The following PLXDC2 variants were observed in gnomAD, a reference collection of about 807,000 sequenced individuals.
The protein encoded by PLXDC2 is plexin domain-containing protein 2.
A neutral mutation model predicts 68.9 loss-of-function variants in PLXDC2; 40 were observed. The observed-to-expected ratio is 0.58, with a 90% CI of 0.45 to 0.76. The LOEUF (loss-of-function observed/expected upper bound fraction) is 0.76. Ranked by LOEUF, PLXDC2 falls within the 30% of genes least tolerant of loss-of-function variation. The pLI is 0.00. For synonymous variants in PLXDC2, 243 were observed against 234.2 expected (o/e 1.04, Z -0.34); for missense variants, 644 against 661.9 (o/e 0.97, Z 0.30).
rs558598884 is a variant in PLXDC2 at position 20,156,723 on chromosome 10, C to T, written c.784-7745C>T. Among the ~76,000 whole-genome samples, 12 of 152,196 alleles carry T rather than the reference C, an allele frequency of 7.9e-5. No individual in the cohort carries two copies. In the South Asian group the frequency reaches 1.2e-3, roughly 16 times the overall value. On this transcript the variant is annotated intron_variant, in intron 6 of 13. Coordinates refer to ENST00000377252, the MANE Select transcript of PLXDC2 (RefSeq NM_032812.9). ...TGATGATAGCTCACCTTGACTGTCACGCTGTTAGATGCATTGCTCAATACC... is the reference window on the plus strand; with the variant it reads ...TGATGATAGCTCACCTTGACTGTCATGCTGTTAGATGCATTGCTCAATACC...
chr10:20,015,659 A>G (rs963833802), intron 2 of PLXDC2, among the ~76,000 whole-genome samples: 7 of 152,180 alleles, frequency 4.6e-5, no homozygotes, highest in African/African-American at 1.7e-4. Context: ...AGGAAGAGAG[A>G]CAATGAAAAG....
intron 1 of PLXDC2, among the ~76,000 whole-genome samples, chr10:19,818,844 C>T (rs372950435): frequency 6.6e-6 from 1 of 152,096 alleles, no homozygotes; most frequent in Admixed American, 6.6e-5. Context: ...AAACAATTAA[C>T]TCCACCACAA....
intron 1 of PLXDC2, among the ~76,000 whole-genome samples, chr10:19,931,108 G>A (rs1833624089): frequency 6.6e-6 from 1 of 152,244 alleles, no homozygotes; most frequent in Admixed American, 6.5e-5. Context: ...CCCATGGGAA[G>A]GAGAGCTTGT....
At chr10:19,970,415 G>A (rs1834330732) in intron 1 of PLXDC2, among the ~76,000 whole-genome samples, 1 of 152,150 alleles carries the variant, frequency 6.6e-6, no homozygotes, top group African/African-American at 2.4e-5. Context: ...GAGGGAAATG[G>A]AATCAAGCAA....
chr10:19,951,596 T>C (rs574633048), intron 1 of PLXDC2, among the ~76,000 whole-genome samples: 1 of 152,286 alleles, frequency 6.6e-6, no homozygotes, highest in South Asian at 2.1e-4. Context: ...AGTTTAGAGA[T>C]TTCTTGAACT....
intron 2 of PLXDC2, among the ~76,000 whole-genome samples, chr10:20,027,797 GA>G (rs894549389): frequency 1.6e-4 from 25 of 152,052 alleles, no homozygotes; most frequent in African/African-American, 6.0e-4. Context: ...TGCAACCTGT[GA>G]AACATTTTAA....
At position 20,047,055 on chromosome 10, in the gene PLXDC2, G is replaced by GA. The variant is rs772368720; in HGVS notation, c.471+46dup. On this transcript the variant is annotated intron_variant, in intron 3 of 13. Coordinates refer to ENST00000377252, the MANE Select transcript of PLXDC2 (RefSeq NM_032812.9). Reference sequence around the variant, plus strand: ...ATTCAGGGTTCATTTTACCTACTGTGAAAAAATAATTGCTTTAATTGGCCT... The same window carrying GA: ...ATTCAGGGTTCATTTTACCTACTGTGAAAAAAATAATTGCTTTAATTGGCCT... 1.1e-5 allele frequency: 16 copies of GA among 1,521,042 alleles called. No individual in the cohort carries two copies. The Admixed American group carries it at 1.6e-4, about 15-fold the overall frequency. 94.2% of individuals were successfully genotyped at this position (1,521,042 alleles called of 1,614,324 possible).
At chr10:19,982,160 A>C (rs1306379004) in intron 1 of PLXDC2, among the ~76,000 whole-genome samples, 1 of 152,250 alleles carries the variant, frequency 6.6e-6, no homozygotes, top group Non-Finnish European at 1.5e-5. Flanking sequence ...ATTTTTCTAA[A>C]ACTGAATTTT....
intron 1 of PLXDC2, among the ~76,000 whole-genome samples, chr10:19,939,973 T>C (rs1205054535): frequency 2.0e-5 from 3 of 151,906 alleles, no homozygotes; most frequent in African/African-American, 7.3e-5. Context: ...ATTCCATTGG[T>C]ATGGTTGGCT....
chr10:20,128,877 T>C (rs994935962), intron 4 of PLXDC2, among the ~76,000 whole-genome samples: 49 of 152,208 alleles, frequency 3.2e-4, no homozygotes, highest in African/African-American at 1.1e-3. Context: ...CTTAATTTAT[T>C]CATCCACTGA....
intron 1 of PLXDC2, among the ~76,000 whole-genome samples, chr10:19,824,218 A>AAAT (rs993273533): frequency 6.6e-6 from 1 of 152,182 alleles, no homozygotes; most frequent in Admixed American, 6.5e-5. Flanking sequence ...TGGACATTAT[A>AAAT]AATAGTACCT....
intron 4 of PLXDC2, among the ~76,000 whole-genome samples, chr10:20,090,226 G>A (rs967264453): frequency 1.4e-4 from 22 of 152,178 alleles, no homozygotes; most frequent in Non-Finnish European, 1.0e-4. Flanking sequence ...ATGCCCATGT[G>A]TATTTTCAGA....
intron 4 of PLXDC2, among the ~76,000 whole-genome samples, chr10:20,134,305 G>T (rs1352916846): frequency 6.6e-6 from 1 of 152,106 alleles, no homozygotes; most frequent in Non-Finnish European, 1.5e-5. Context: ...ACCTTGCATT[G>T]GTAATGTAAT....
intron 3 of PLXDC2, among the ~76,000 whole-genome samples, chr10:20,047,293 A>T (rs1835813925): frequency 6.6e-6 from 1 of 152,148 alleles, no homozygotes; most frequent in African/African-American, 2.4e-5. Context: ...TGGATTCTAA[A>T]TTGAGCTTTA....
chr10:19,979,455 T>G (rs1189905364), intron 1 of PLXDC2, among the ~76,000 whole-genome samples: 3 of 151,832 alleles, frequency 2.0e-5, no homozygotes, highest in African/African-American at 7.3e-5. Context: ...TTCTGCTCAC[T>G]GCAAGCTCCA....
chr10:19,853,557 C>T (rs1158207788), intron 1 of PLXDC2, among the ~76,000 whole-genome samples: 1 of 151,278 alleles, frequency 6.6e-6, no homozygotes, highest in Non-Finnish European at 1.5e-5. Context: ...CCCCCAGCCT[C>T]TCCTTATTCC....
chr10:20,187,225 T>A (rs879887808), intron 9 of PLXDC2, among the ~76,000 whole-genome samples: 2 of 151,894 alleles, frequency 1.3e-5, no homozygotes, highest in Admixed American at 1.3e-4. Flanking sequence ...GCTTACTCTG[T>A]ATCCCAGAAT....
intron 2 of PLXDC2, among the ~76,000 whole-genome samples, chr10:20,039,904 G>C (rs934872309): frequency 2.6e-5 from 4 of 152,116 alleles, no homozygotes; most frequent in Non-Finnish European, 5.9e-5. Context: ...ATTCATATTT[G>C]AATAGATGCA....
chr10:19,870,550 C>T (rs1021503130), intron 1 of PLXDC2, among the ~76,000 whole-genome samples: 2 of 152,026 alleles, frequency 1.3e-5, no homozygotes, highest in African/African-American at 4.8e-5. Flanking sequence ...CTCAGCCTCC[C>T]AAGTAGCTAG....
Sources: allele counts gnomAD v4.1 joint callset (sites outside exome capture counted in the v4.1 genomes callset), GRCh38; gene constraint gnomAD v4.1.1; transcripts MANE v1.5; gene names NCBI Gene and HGNC (gene_info 2026-07-23, HGNC 2026-07-21).